GALK1: variants seen among roughly 807,000 people sequenced by gnomAD.
GALK1 encodes galactokinase 1.
In GALK1, 30 loss-of-function variants were observed where a neutral mutation model predicts 38.6. The observed-to-expected ratio is 0.78, with a 90% CI of 0.58 to 1.05. GALK1 has a LOEUF of 1.05. GALK1 is among the 50% of genes least tolerant of loss of function. The pLI is 0.00. For synonymous variants in GALK1, 240 were observed against 233.6 expected (o/e 1.03, Z -0.25); for missense variants, 512 against 540.5 (o/e 0.95, Z 0.52).
At position 75,763,386 on chromosome 17, in the gene GALK1, C is replaced by G. The variant is rs1555748630; in HGVS notation, c.409G>C (p.Gly137Arg). 1 of 1,613,124 alleles carries G rather than the reference C, an allele frequency of 6.2e-7. No individual in the cohort carries two copies. The highest frequency in any genetic ancestry group is 2.2e-5 in the East Asian group (1 of 44,850). ...AAGGATGCTGAGCTGGACAGGCCAC[C>G]CCCCAGGGGCACTGAGCTGACCACC... ...AVVVSSVPLG[G>R]GLSSSASLEV... is the part of the protein sequence containing the mutation. Residue 137 changes from glycine (G) to arginine (R), a missense_variant, in exon 3 of 8, where the codon GGT (glycine) becomes CGT (arginine). Coordinates refer to ENST00000588479, the MANE Select transcript of GALK1 (RefSeq NM_000154.2).
At chr17:75,761,118 C>G (rs1389053671) in intron 5 of GALK1, among the ~76,000 whole-genome samples, 1 of 151,878 alleles carries the variant, frequency 6.6e-6, no homozygotes, top group Non-Finnish European at 1.5e-5. Context: ...AGGAGAATCA[C>G]TTGAACCTGG....
chr17:75,757,121 C>T (rs1225760385), downstream of GALK1: 26 of 1,612,824 alleles, frequency 1.6e-5, no homozygotes, highest in Middle Eastern at 1.6e-4. Flanking sequence ...GGCACCTGTC[C>T]TTTCCTTCAC....
At chr17:75,754,100 T>G, downstream of GALK1, 1 of 446,638 alleles carries the variant, frequency 2.2e-6, no homozygotes, top group Non-Finnish European at 3.8e-6. Flanking sequence ...CCTTGGCGGC[T>G]GGGAGCACAG....
Position 75,763,451 on chromosome 17 carries a change from A to T in GALK1, c.356-12T>A, listed in dbSNP as rs2061596906. 3 of 1,581,872 alleles carry T rather than the reference A, an allele frequency of 1.9e-6. No individual in the cohort carries two copies. Among genetic ancestry groups the T allele is most frequent in the South Asian group, 2.3e-5 (2 of 87,486 alleles). On this transcript the variant is annotated splice_polypyrimidine_tract_variant and intron_variant, in intron 2 of 7. Transcript: ENST00000588479. ...AGGGAGGGGGGCAGCTGCAGGGGAA[A>T]GAACAGGTGATGGTAAGAGGGGCTG... is the stretch of plus-strand genomic sequence containing the variant.
At chr17:75,756,447 A>G, downstream of GALK1, 1 of 1,613,208 alleles carries the variant, frequency 6.2e-7, no homozygotes. Flanking sequence ...CATCGGCTCA[A>G]CATCCCCAAC....
chr17:75,762,934 G>C (rs749156498), intron 4 of GALK1, 49 bp from the exon 5 acceptor site: 2 of 1,564,396 alleles, frequency 1.3e-6, no homozygotes, highest in Non-Finnish European at 1.7e-6. Context: ...GCGTGTGCTT[G>C]CTGCGCCAGG....
At chr17:75,754,039 G>C (rs1474985754), downstream of GALK1, 1 of 763,328 alleles carries the variant, frequency 1.3e-6, no homozygotes, top group Non-Finnish European at 1.8e-6. Flanking sequence ...CTGAGGGCCT[G>C]GGGTGGGCGT....
At position 75,752,597 on chromosome 17, in the gene GALK1, C is replaced by A; in HGVS notation, c.*23-860G>T. 2 of 1,613,088 alleles carry A rather than the reference C, an allele frequency of 1.2e-6. No homozygotes were observed. Among genetic ancestry groups the A allele is most frequent in the Non-Finnish European group, 1.7e-6 (2 of 1,179,788 alleles). On this transcript the variant is annotated intron_variant, in intron 8 of 8. Coordinates refer to the GALK1 transcript ENST00000225614. The stretch of plus-strand genomic sequence containing the variant: ...ACACTGGTGAGTGGAGACCTGGGAC[C>A]CACAAGAGGACAGTGGGGGTCTTGG...
At chr17:75,758,154 G>A in intron 7 of GALK1, 27 bp from the exon 8 acceptor site, 1 of 1,611,710 alleles carries the variant, frequency 6.2e-7, no homozygotes, top group East Asian at 2.2e-5. Context: ...GGGGGTGAGT[G>A]GCAGGGCCCC....
chr17:75,757,185 A>T (rs142184100), downstream of GALK1: 5,170 of 1,611,374 alleles, frequency 3.2e-3, 9 homozygotes, highest in Non-Finnish European at 4.1e-3. Flanking sequence ...TGACTGGCCT[A>T]TCTGCCCACC....
chr17:75,758,987 C>G (rs2061572399), intron 5 of GALK1, among the ~76,000 whole-genome samples: 1 of 152,192 alleles, frequency 6.6e-6, no homozygotes, highest in African/African-American at 2.4e-5. Flanking sequence ...GCTGTCCCAT[C>G]TGACTGGAGC....
At position 75,758,334 on chromosome 17, in the gene GALK1, A is replaced by G; in HGVS notation, c.983T>C (p.Leu328Pro). Residue 328 changes from leucine (L) to proline (P), a missense_variant, in exon 7 of 8, where the codon CTG (leucine) becomes CCG (proline). Transcript: ENST00000588479. ...YEVSCPELDQ[L>P]VEAALAVPGV... Reference sequence around the variant, plus strand: ...AGGCACAGCAAGCGCAGCCTCCACCAGCTGGTCCAGCTCTGGGCAGCTCAC... The same window carrying G: ...AGGCACAGCAAGCGCAGCCTCCACCGGCTGGTCCAGCTCTGGGCAGCTCAC... 2 of 1,594,692 alleles carry G rather than the reference A, an allele frequency of 1.3e-6. No individual in the cohort carries two copies. The highest frequency in any genetic ancestry group is 1.7e-6 in the Non-Finnish European group (2 of 1,171,518).
At chr17:75,760,068 T>C (rs1386585533) in intron 5 of GALK1, among the ~76,000 whole-genome samples, 1 of 152,162 alleles carries the variant, frequency 6.6e-6, no homozygotes, top group African/African-American at 2.4e-5. Flanking sequence ...TTCCTGGCCA[T>C]GTGTAGCAGG....
At chr17:75,763,675 GA>G in intron 2 of GALK1, 2 of 692,474 alleles carry the variant, frequency 2.9e-6, no homozygotes, top group Non-Finnish European at 4.9e-6. Context: ...GCTCTGGAGG[GA>G]AAAAAGGCTG....
At chr17:75,759,774 A>G (rs2061579601) in intron 5 of GALK1, among the ~76,000 whole-genome samples, 1 of 152,138 alleles carries the variant, frequency 6.6e-6, no homozygotes, top group Admixed American at 6.5e-5. Flanking sequence ...CACAAAGGAA[A>G]AGGACAGGGA....
chr17:75,762,972 G>T, intron 4 of GALK1, 42 bp downstream of exon 4: 1 of 1,611,850 alleles, frequency 6.2e-7, no homozygotes, highest in Non-Finnish European at 8.5e-7. Flanking sequence ...CCCAGGAGCT[G>T]CTGAGTGCAG....
intron 2 of GALK1, 128 bp downstream of exon 2, chr17:75,763,769 T>C (rs1178776443): frequency 7.0e-6 from 7 of 994,944 alleles, no homozygotes; most frequent in Non-Finnish European, 1.1e-5. Context: ...AGTTTCCTCA[T>C]CTGTACAATG....
chr17:75,760,656 G>A (rs1356477430), intron 5 of GALK1, among the ~76,000 whole-genome samples: 2 of 151,868 alleles, frequency 1.3e-5, no homozygotes, highest in Admixed American at 6.6e-5. Context: ...CACGCCTGTA[G>A]TCCCAGCCAC....
downstream of GALK1, chr17:75,757,307 G>A (rs1349467129): frequency 6.2e-7 from 1 of 1,612,358 alleles, no homozygotes; most frequent in Non-Finnish European, 8.5e-7. Context: ...GCCCTTCCTA[G>A]TGGGTGAGCA....
Sources: allele counts gnomAD v4.1 joint callset (sites outside exome capture counted in the v4.1 genomes callset), GRCh38; gene constraint gnomAD v4.1.1; transcripts MANE v1.5; gene names NCBI Gene and HGNC (gene_info 2026-07-23, HGNC 2026-07-21).